The following THSD7B variants were observed in gnomAD, a reference collection of about 807,000 sequenced individuals.
THSD7B encodes the protein thrombospondin type 1 domain containing 7B.
In THSD7B, 138 loss-of-function variants were observed where a neutral mutation model predicts 213.6. That is an observed-to-expected ratio of 0.65 (90% confidence interval 0.56 to 0.74). The LOEUF is 0.74. Ranked by LOEUF, THSD7B falls within the 30% of genes least tolerant of loss-of-function variation. The pLI, the probability that THSD7B is intolerant of heterozygous loss-of-function variation, is 0.00. For missense variants in THSD7B, 1,931 were observed against 1,991.5 expected (o/e 0.97, Z 0.58); for synonymous variants, 742 against 687.0 (o/e 1.08, Z -1.25).
rs115184445 is a variant in THSD7B at position 136,843,418 on chromosome 2, C to T, written c.-35-38726C>T. Among the ~76,000 whole-genome samples, 143 of 152,246 alleles carry T rather than the reference C, an allele frequency of 9.4e-4. 1 individual carries two copies. Among genetic ancestry groups the T allele is most frequent in the African/African-American group, 3.4e-3 (140 of 41,558 alleles). On this transcript the variant is annotated intron_variant, in intron 1 of 27. Coordinates refer to ENST00000409968, the MANE Select transcript of THSD7B (RefSeq NM_001316349.2). ...TCGTGAATGTCCATTGTTCTTTTCT[C>T]CTGCATCATAACCATCACCACATGC...
chr2:137,198,584 A>AGG (rs1312558025), intron 7 of THSD7B, among the ~76,000 whole-genome samples: 2 of 152,148 alleles, frequency 1.3e-5, no homozygotes, highest in East Asian at 3.9e-4. Context: ...CATCTGAATA[A>AGG]TGACCAGAAC....
At chr2:137,259,094 A>T (rs886625818) in intron 10 of THSD7B, among the ~76,000 whole-genome samples, 1 of 152,144 alleles carries the variant, frequency 6.6e-6, no homozygotes, top group African/African-American at 2.4e-5. Context: ...ATTGATGGGC[A>T]TTTGGGTTGG....
chr2:136,979,763 C>T (rs369751590), intron 2 of THSD7B, among the ~76,000 whole-genome samples: 1 of 152,180 alleles, frequency 6.6e-6, no homozygotes, highest in African/African-American at 2.4e-5. Context: ...TATTACCTAT[C>T]TCTTTCAATT....
chr2:137,620,992 A>G (rs551957272), intron 20 of THSD7B, among the ~76,000 whole-genome samples: 51 of 152,342 alleles, frequency 3.3e-4, no homozygotes, highest in Non-Finnish European at 6.0e-4. Flanking sequence ...CATAAGCTCA[A>G]CAAATTGAAA....
intron 1 of THSD7B, among the ~76,000 whole-genome samples, chr2:136,848,638 T>A (rs1321673339): frequency 6.6e-6 from 1 of 152,180 alleles, no homozygotes; most frequent in Non-Finnish European, 1.5e-5. Flanking sequence ...AAAACCTAAG[T>A]ATTTATTGTA....
chr2:137,574,532 A>G (rs564685742), intron 17 of THSD7B, among the ~76,000 whole-genome samples: 1 of 152,224 alleles, frequency 6.6e-6, no homozygotes, highest in East Asian at 1.9e-4. Flanking sequence ...ACTGAAAGCT[A>G]CATGTAACTC....
At chr2:136,913,469 G>A (rs1684300804) in intron 2 of THSD7B, among the ~76,000 whole-genome samples, 1 of 152,212 alleles carries the variant, frequency 6.6e-6, no homozygotes, top group Admixed American at 6.5e-5. Flanking sequence ...CCAAGACCAA[G>A]GGGAAAATGT....
At chr2:137,316,760 AAAAAAAAAAG>A (rs1233299658) in intron 12 of THSD7B, among the ~76,000 whole-genome samples, 1 of 107,252 alleles carries the variant, frequency 9.3e-6, no homozygotes, top group Non-Finnish European at 2.2e-5. Context: ...TCTGTCTCAA[AAAAAAAAAAG>A]AAAAAGAAAA....
intron 2 of THSD7B, 119 bp downstream of exon 2, chr2:136,882,436 CT>C (rs10716943): frequency 0.86 from 919,258 of 1,067,814 alleles, 397,774 homozygotes; most frequent in Non-Finnish European, 0.87. Flanking sequence ...AAAATAGACT[CT>C]TTTTTTTAAA....
At chr2:136,980,802 G>T (rs776619692) in intron 2 of THSD7B, among the ~76,000 whole-genome samples, 2 of 152,154 alleles carry the variant, frequency 1.3e-5, no homozygotes, top group African/African-American at 2.4e-5. Context: ...CTAATCTGTG[G>T]AAAATTCATG....
At chr2:137,316,748 ACT>A (rs371516289) in intron 12 of THSD7B, among the ~76,000 whole-genome samples, 2,100 of 135,454 alleles carry the variant, frequency 0.016, 33 homozygotes, top group East Asian at 0.062. Flanking sequence ...ACAGAGCGAG[ACT>A]CTGTCTCAAA....
At position 137,333,194 on chromosome 2, in the gene THSD7B, C is replaced by G. The variant is rs189953157; in HGVS notation, c.2500+57168C>G. ...ATCCTGGACGTCTAACCCCCTTCAT[C>G]CCCTGCCCAGCAGCAGGTTCCGATA... On this transcript the variant is annotated intron_variant, in intron 12 of 27. Coordinates refer to ENST00000409968, the MANE Select transcript of THSD7B (RefSeq NM_001316349.2). 4.2e-3 allele frequency among the ~76,000 whole-genome samples: 634 copies of G among 152,252 alleles called. 6 individuals carry two copies. Among genetic ancestry groups the G allele is most frequent in the African/African-American group, 0.015 (606 of 41,534 alleles).
intron 20 of THSD7B, among the ~76,000 whole-genome samples, chr2:137,635,735 T>A (rs1262033837): frequency 1.3e-5 from 2 of 151,578 alleles, no homozygotes; most frequent in African/African-American, 4.8e-5. Flanking sequence ...TTTTTTTTTT[T>A]AAACGGAGTC....
chr2:137,303,147 C>T (rs1373481237), intron 12 of THSD7B, among the ~76,000 whole-genome samples: 1 of 152,192 alleles, frequency 6.6e-6, no homozygotes, highest in East Asian at 1.9e-4. Context: ...GTACTACAGG[C>T]ACGTGCCACA....
At chr2:136,998,772 T>C (rs1214408701) in intron 2 of THSD7B, among the ~76,000 whole-genome samples, 1 of 152,134 alleles carries the variant, frequency 6.6e-6, no homozygotes, top group Non-Finnish European at 1.5e-5. Context: ...GGTTCTCAAG[T>C]TCTGAGTCTA....
chr2:136,800,941 C>T (rs1682167293), intron 1 of THSD7B, among the ~76,000 whole-genome samples: 1 of 151,992 alleles, frequency 6.6e-6, no homozygotes, highest in African/African-American at 2.4e-5. Context: ...ACTCTTAACT[C>T]TTAACTTCCT....
At chr2:137,035,395 G>A (rs1372079662) in intron 2 of THSD7B, among the ~76,000 whole-genome samples, 2 of 151,872 alleles carry the variant, frequency 1.3e-5, no homozygotes, top group African/African-American at 4.8e-5. Context: ...AATTTTTTTT[G>A]CTAGTAGAAG....
intron 15 of THSD7B, among the ~76,000 whole-genome samples, chr2:137,476,661 C>T (rs952894882): frequency 6.6e-6 from 1 of 152,118 alleles, no homozygotes; most frequent in Non-Finnish European, 1.5e-5. Context: ...ACCTCCATCT[C>T]CTGGGTTCAA....
chr2:137,068,238 A>C (rs1157966916), intron 3 of THSD7B, among the ~76,000 whole-genome samples: 2 of 152,076 alleles, frequency 1.3e-5, no homozygotes, highest in Non-Finnish European at 2.9e-5. Flanking sequence ...GCCAGAGTGG[A>C]AACCAGAAGT....
Sources: allele counts gnomAD v4.1 joint callset (sites outside exome capture counted in the v4.1 genomes callset), GRCh38; gene constraint gnomAD v4.1.1; transcripts MANE v1.5; gene names NCBI Gene and HGNC (gene_info 2026-07-23, HGNC 2026-07-21).